The following PXN variants were observed in gnomAD, a reference collection of about 807,000 sequenced individuals.
The protein encoded by PXN is paxillin.
Under a neutral mutation model 103.6 loss-of-function variants are expected in PXN, and 61 were observed. The ratio of observed to expected loss-of-function variants is 0.59; its 90% CI spans 0.48 to 0.73. The LOEUF is 0.73. PXN is among the 30% of genes least tolerant of loss of function. The pLI, the probability that PXN is intolerant of heterozygous loss-of-function variation, is 0.00. For synonymous variants in PXN, 562 were observed against 607.8 expected, an observed-to-expected ratio of 0.92 and a Z score of 1.11; for missense variants, 1,274 against 1,460.3, an observed-to-expected ratio of 0.87 and a Z score of 2.08.
intron 1 of PXN, among the ~76,000 whole-genome samples, chr12:120,249,484 C>A (rs187885265): frequency 6.6e-6 from 1 of 152,276 alleles, no homozygotes; most frequent in East Asian, 1.9e-4. Flanking sequence ...GGAGCTGCTA[C>A]CAGCAATGCC....
At chr12:120,244,119 G>T (rs1890634493) in intron 1 of PXN, among the ~76,000 whole-genome samples, 2 of 149,898 alleles carry the variant, frequency 1.3e-5, no homozygotes, top group African/African-American at 4.9e-5. Flanking sequence ...GGAGCACAGG[G>T]CCCAAGTTGT....
Position 120,219,791 on chromosome 12 carries a change from CTG to C in PXN, c.1130_1131del (p.Thr377ArgfsTer16). The C allele has an allele frequency of 1.3e-6, 2 of 1,598,294 alleles. No homozygotes were observed. Among genetic ancestry groups the C allele is most frequent in the Non-Finnish European group, 1.7e-6 (2 of 1,179,738 alleles). ...TGCCTCCAATCTCGACCCTGACTCT[CTG>C]TGCCCACTGCCCACAGAGAACCCTC... ...SVEGSLWAVG[T>X]ESQGRDWRHL... On this transcript the variant is annotated frameshift_variant, in exon 7 of 15. Coordinates refer to ENST00000637617, the MANE Select transcript of PXN (RefSeq NM_001385981.1). LOFTEE classifies it high-confidence loss of function. This position sits in a 1 kb window ranked among gnomAD's most constrained non-coding sequence, Gnocchi z 6.5.
Position 120,219,860 on chromosome 12 carries a change from C to A in PXN, c.1063G>T (p.Gly355Trp). The A allele has an allele frequency of 6.3e-7, 1 of 1,598,438 alleles. No homozygotes were observed. The change falls in exon 7 of 15, where the codon GGG becomes TGG. Residue 355 changes from glycine to tryptophan, a missense_variant. Around this residue, in one of 2 missense-constraint regions of PXN, gnomAD observed 1,178 missense variants for 1,309.0 expected, o/e 0.90. Coordinates refer to ENST00000637617, the MANE Select transcript of PXN (RefSeq NM_001385981.1). This position sits in a 1 kb window ranked among gnomAD's most constrained non-coding sequence, Gnocchi z 6.5. The stretch of plus-strand genomic sequence containing the variant: ...GAGTTGAAGGTGTCAGGCATCACCC[C>A]AAGACCAGCCAAATCAAGCCAGCTG... ...APSWLDLAGL[G>W]VMPDTFNSRS...
At position 120,211,338 on chromosome 12, in the gene PXN, G is replaced by T. The variant is rs1880112440; in HGVS notation, c.*976C>A. The T allele has an allele frequency of 6.5e-6, 1 of 153,860 alleles. No homozygotes were observed. The highest frequency in any genetic ancestry group is 1.4e-5 in the Non-Finnish European group (1 of 68,972). The allele number at this position is 153,860 out of a possible 1,614,324, so 9.5% of individuals were successfully genotyped here. ...GCAGTTTATAAAACAGTCCTGGTGA[G>T]CTATGAAGTGAAAGAGGGGGAGTCA... On this transcript the variant is annotated 3_prime_UTR_variant, in exon 15 of 15. Transcript: ENST00000637617.
chr12:120,212,104 A>T lies in PXN; in HGVS notation c.*210T>A. The T allele has an allele frequency of 1.3e-6, 1 of 777,722 alleles. No homozygotes were observed. The highest frequency in any genetic ancestry group is 2.3e-6 in the Non-Finnish European group (1 of 443,408). 48.2% of individuals were successfully genotyped at this position (777,722 alleles called of 1,614,324 possible). On this transcript the variant is annotated 3_prime_UTR_variant, in exon 15 of 15. Transcript: ENST00000637617. The surrounding 1 kb of genome is among the most constrained non-coding windows in gnomAD (Gnocchi z 7.2). ...GAGAGTGGGCAGCCTAGGGAGAGCT[A>T]CAGGAGGGAGGAGGGGGCCCAGAGG...
Position 120,221,570 on chromosome 12 carries a change from G to A in PXN, c.831+53C>T, listed in dbSNP as rs1382843214. The A allele has an allele frequency of 6.6e-7, 1 of 1,520,184 alleles. No individual in the cohort carries two copies. The highest frequency in any genetic ancestry group is 8.9e-7 in the Non-Finnish European group (1 of 1,127,500). The allele number at this position is 1,520,184 out of a possible 1,614,324, so 94.2% of individuals were successfully genotyped here. ...CTACCCACACTGAGGTAAGGGAGGA[G>A]AAGGATGAGGGAGGGGCGGCAGGGC... is the stretch of plus-strand genomic sequence containing the variant. On this transcript the variant is annotated intron_variant, in intron 6 of 14. Transcript: ENST00000637617. This position sits in a 1 kb window ranked among gnomAD's most constrained non-coding sequence, Gnocchi z 6.6.
rs528496571 is a variant in PXN at position 120,211,692 on chromosome 12, G to A, written c.*622C>T. ...ATTATTGCTGGAGAGGCTTTTCTCAGTAGAACAAGAGCAGGTATAAAAGGG... is the reference window on the plus strand; with the variant it reads ...ATTATTGCTGGAGAGGCTTTTCTCAATAGAACAAGAGCAGGTATAAAAGGG... On this transcript the variant is annotated 3_prime_UTR_variant, in exon 15 of 15. Coordinates refer to ENST00000637617, the MANE Select transcript of PXN (RefSeq NM_001385981.1). 54 of 328,790 alleles carry A rather than the reference G, an allele frequency of 1.6e-4. 2 individuals are homozygous for A. The highest frequency in any genetic ancestry group is 1.3e-3 in the South Asian group (52 of 40,388). 20.4% of individuals were successfully genotyped at this position (328,790 alleles called of 1,614,324 possible). A position where few individuals can be genotyped will look rare whatever the true frequency, so the allele number is the denominator to read the frequency against.
In PXN at chr12:120,221,652, C is replaced by G; in HGVS notation, c.802G>C (p.Glu268Gln). The G allele has an allele frequency of 6.4e-7, 1 of 1,562,960 alleles. No individual in the cohort carries two copies. The highest frequency in any genetic ancestry group is 8.7e-7 in the Non-Finnish European group (1 of 1,153,784). The change falls in exon 6 of 15, where the codon GAG becomes CAG. Residue 268 changes from glutamate (E) to glutamine (Q), a missense_variant. By Grantham distance (29) the Glu-to-Gln change is conservative. Coordinates refer to ENST00000637617, the MANE Select transcript of PXN (RefSeq NM_001385981.1). This position sits in a 1 kb window ranked among gnomAD's most constrained non-coding sequence, Gnocchi z 6.6. ...SASSATRELD[E>Q]LMASLSDFKT... ...AAATCCGACAGCGAAGCCATCAGCT[C>G]GTCCAGCTCCCTGGTGGCAGAGGAG...
chr12:120,261,210 C>T (rs1566440828), intron 1 of PXN, among the ~76,000 whole-genome samples: 1 of 152,174 alleles, frequency 6.6e-6, no homozygotes, highest in Admixed American at 6.6e-5. Flanking sequence ...TCTGTAAACA[C>T]TGTAAAAAAG....
chr12:120,227,077 C>T (rs1887017487), intron 1 of PXN: 1 of 985,974 alleles, frequency 1.0e-6, no homozygotes, highest in Non-Finnish European at 1.2e-6. Flanking sequence ...TCTCCTAAGT[C>T]TTTTCTGGGT....
intron 1 of PXN, among the ~76,000 whole-genome samples, chr12:120,239,793 G>A (rs149524929): frequency 3.9e-5 from 6 of 152,236 alleles, no homozygotes; most frequent in South Asian, 2.1e-4. Flanking sequence ...TAAAAAATCT[G>A]AGCTAATCTG....
intron 1 of PXN, among the ~76,000 whole-genome samples, chr12:120,257,801 A>G (rs1893251218): frequency 6.6e-6 from 1 of 152,170 alleles, no homozygotes; most frequent in African/African-American, 2.4e-5. Flanking sequence ...ATGGTGTTCC[A>G]CTGGCCACAG....
In PXN at chr12:120,217,143, C is replaced by A; in HGVS notation, c.1717-27G>T. The A allele has an allele frequency of 6.5e-7, 1 of 1,527,392 alleles. No homozygotes were observed. Among genetic ancestry groups the A allele is most frequent in the South Asian group, 1.2e-5 (1 of 85,244 alleles). 94.6% of individuals were successfully genotyped at this position (1,527,392 alleles called of 1,614,324 possible). A position where few individuals can be genotyped will look rare whatever the true frequency, so the allele number is the denominator to read the frequency against. On this transcript the variant is annotated intron_variant, in intron 7 of 14. Coordinates refer to ENST00000637617, the MANE Select transcript of PXN (RefSeq NM_001385981.1). This position sits in a 1 kb window ranked among gnomAD's most constrained non-coding sequence, Gnocchi z 4.1. ...TAGGGGGAGGGGGAGGGGAGGCTGT[C>A]ACCGTCCCACTCCCAGCTTGCACAA...
rs774463797 is a variant in PXN at position 120,222,921 on chromosome 12, G to C, written c.435C>G (p.Leu145=). 2 of 1,613,838 alleles carry C rather than the reference G, an allele frequency of 1.2e-6. No individual in the cohort carries two copies. Among genetic ancestry groups the C allele is most frequent in the Non-Finnish European group, 1.7e-6 (2 of 1,179,892 alleles). The change falls in exon 4 of 15, where the codon CTC becomes CTG. Residue 145 remains leucine (L), a synonymous_variant. Transcript: ENST00000637617. The surrounding 1 kb of genome is among the most constrained non-coding windows in gnomAD (Gnocchi z 4.7). ...CGTTCAGTTCCAGCAGCAGGCGGTC[G>C]AGTTCAGAAAGGTTGCTGCCCAGGG... The part of the protein sequence containing the change: ...STSLGSNLSE[L]DRLLLELNAV...
intron 3 of PXN, among the ~76,000 whole-genome samples, 156 bp from the exon 4 acceptor site, chr12:120,223,155 G>T (rs936902406): frequency 6.6e-6 from 1 of 152,140 alleles, no homozygotes; most frequent in Non-Finnish European, 1.5e-5. Flanking sequence ...GTAAGAAGAG[G>T]GGAGGAGGCC....
intron 7 of PXN, among the ~76,000 whole-genome samples, chr12:120,218,258 G>A (rs1402597148): frequency 6.6e-6 from 1 of 151,644 alleles, no homozygotes; most frequent in Non-Finnish European, 1.5e-5. Flanking sequence ...TGCCTAGGCT[G>A]GTCTCAAACT....
At chr12:120,251,915 C>T (rs940137383) in intron 1 of PXN, among the ~76,000 whole-genome samples, 2 of 152,146 alleles carry the variant, frequency 1.3e-5, no homozygotes, top group African/African-American at 4.8e-5. Context: ...CAAGAATGAA[C>T]GATAACCATC....
At chr12:120,243,217 T>A (rs1038451920) in intron 1 of PXN, among the ~76,000 whole-genome samples, 1 of 152,202 alleles carries the variant, frequency 6.6e-6, no homozygotes, top group African/African-American at 2.4e-5. Flanking sequence ...AGACTCATAA[T>A]AGCTTAGTTT....
Position 120,220,993 on chromosome 12 carries a change from C to A in PXN, c.831+630G>T, listed in dbSNP as rs1443467583. Among the ~76,000 whole-genome samples the A allele has an allele frequency of 6.6e-6, 1 of 152,182 alleles. No individual in the cohort carries two copies. The highest frequency in any genetic ancestry group is 1.9e-4 in the East Asian group (1 of 5,194). Reference sequence around the variant, plus strand: ...TCTAAATTAAACATCTCAGGCCTGGCAGGACTGGGGAGGCCCAGCAGGGGA... The same window carrying A: ...TCTAAATTAAACATCTCAGGCCTGGAAGGACTGGGGAGGCCCAGCAGGGGA... On this transcript the variant is annotated intron_variant, in intron 6 of 14. Transcript: ENST00000637617. The surrounding 1 kb of genome is among the most constrained non-coding windows in gnomAD (Gnocchi z 6.1).
Sources: gnomAD v4.1 joint callset for allele counts (sites outside exome capture counted in the v4.1 genomes callset) on GRCh38, gnomAD v4.1.1 for gene constraint, gnomAD v4.1.1 regional missense constraint, Gnocchi (gnomAD v3.1) non-coding constraint, MANE v1.5 for transcripts, NCBI Gene and HGNC (gene_info 2026-07-23, HGNC 2026-07-21) for gene names.